ANKRD36C: variants seen among roughly 807,000 people sequenced by gnomAD.
ANKRD36C encodes ankyrin repeat domain 36C.
Under a neutral mutation model 276.4 loss-of-function variants are expected in ANKRD36C, and 61 were observed. The ratio of observed to expected loss-of-function variants is 0.22; its 90% CI spans 0.18 to 0.27. The LOEUF (loss-of-function observed/expected upper bound fraction) is 0.27, where lower values mean the gene tolerates loss of function less well. ANKRD36C is among the 10% of genes least tolerant of loss of function. The pLI, the probability that ANKRD36C is intolerant of heterozygous loss-of-function variation, is 1.00. For synonymous variants in ANKRD36C, 483 were observed against 680.1 expected (o/e 0.71, Z 4.51); for missense variants, 1,447 against 2,032.3 (o/e 0.71, Z 5.54).
chr2:95,977,019 T>C (rs1224399894), intron 6 of ANKRD36C, among the ~76,000 whole-genome samples: 1 of 151,864 alleles, frequency 6.6e-6, no homozygotes, highest in Non-Finnish European at 1.5e-5. Context: ...ATCTGCATCA[T>C]GGACAGCTCA....
intron 6 of ANKRD36C, among the ~76,000 whole-genome samples, chr2:95,965,935 G>A (rs1307076816): frequency 6.6e-6 from 1 of 151,974 alleles, no homozygotes; most frequent in Non-Finnish European, 1.5e-5. Context: ...ATGTGCATTT[G>A]GGTGATTTCT....
At chr2:95,979,719 T>C (rs1678878740) in intron 5 of ANKRD36C, among the ~76,000 whole-genome samples, 1 of 151,940 alleles carries the variant, frequency 6.6e-6, no homozygotes, top group African/African-American at 2.4e-5. Context: ...TCTACAACAT[T>C]ATTTGAATAT....
chr2:95,948,551 A>C (rs780100900), exon 17 of ANKRD36C: 1 of 1,535,940 alleles, frequency 6.5e-7, no homozygotes, highest in Non-Finnish European at 8.7e-7. Context: ...AAGCAAACTT[A>C]TCCTTTGTCA....
chr2:95,938,235 G>C, intron 22 of ANKRD36C, among the ~76,000 whole-genome samples: 1 of 152,282 alleles, frequency 6.6e-6, no homozygotes, highest in Non-Finnish European at 1.5e-5. Flanking sequence ...ACAATAAATA[G>C]TAGTAGAAGA....
At chr2:95,978,305 A>C (rs1244256939) in intron 5 of ANKRD36C, 116 bp from the exon 6 acceptor site, 8 of 365,148 alleles carry the variant, frequency 2.2e-5, no homozygotes, top group Middle Eastern at 8.5e-4. Flanking sequence ...TATCCTATAC[A>C]CTTCTCTTCT....
At chr2:95,908,079 G>C (rs1676795655) in intron 42 of ANKRD36C, among the ~76,000 whole-genome samples, 1 of 150,520 alleles carries the variant, frequency 6.6e-6, no homozygotes. Flanking sequence ...CTACACCAGG[G>C]GTCTCCTTAG....
chr2:95,878,678 C>T (rs1443863911), intron 58 of ANKRD36C, among the ~76,000 whole-genome samples: 1 of 152,180 alleles, frequency 6.6e-6, no homozygotes, highest in Non-Finnish European at 1.5e-5. Flanking sequence ...TTTCAAACTG[C>T]TATCAGATGG....
rs199868381 is a variant in ANKRD36C at position 95,906,446 on chromosome 2, C to A, written c.2653+5798G>T. ...ATTGCAATGTGGGGATGTGTATAAT[C>A]TTACAGTGAAGATCATGTTCCAGAC... On this transcript the variant is annotated intron_variant, in intron 42 of 66. Transcript: ENST00000456556. Among the ~76,000 whole-genome samples, 700 of 116,724 alleles carry A rather than the reference C, an allele frequency of 6.0e-3. 281 individuals carry two copies. The East Asian group carries it at 0.28, about 47-fold the overall frequency. The allele number at this position is 116,724 out of a possible 152,430, so 76.6% of individuals were successfully genotyped here.
intron 57 of ANKRD36C, 22 bp from the exon 78 acceptor site, chr2:95,880,521 G>C (rs1676053216): frequency 6.5e-7 from 1 of 1,542,632 alleles, no homozygotes; most frequent in Non-Finnish European, 8.8e-7. Context: ...TTAAAACAAA[G>C]TGATTAGCAC....
At chr2:95,857,068 C>G (rs1415047494) in intron 62 of ANKRD36C, among the ~76,000 whole-genome samples, 4 of 151,938 alleles carry the variant, frequency 2.6e-5, no homozygotes, top group Non-Finnish European at 5.9e-5. Context: ...GAACAAAATA[C>G]TAACAATATC....
intron 38 of ANKRD36C, among the ~76,000 whole-genome samples, chr2:95,914,783 T>C (rs886290063): frequency 6.6e-6 from 1 of 151,552 alleles, no homozygotes; most frequent in African/African-American, 2.4e-5. Context: ...GATACTTCAG[T>C]TGAACTTACA....
At chr2:95,948,576 C>A in exon 17 of ANKRD36C, 1 of 1,535,434 alleles carries the variant, frequency 6.5e-7, no homozygotes, top group Non-Finnish European at 8.7e-7. Flanking sequence ...CTGTGCAAAA[C>A]GGTCCAGTAG....
chr2:95,917,843 T>C lies in ANKRD36C; in HGVS notation c.2347+12A>G. ...GATTGAACGTGACATTAAATGTCTT[T>C]TGCAAAATTACCTGTCCCAGATTTT... is the stretch of plus-strand genomic sequence containing the variant. On this transcript the variant is annotated intron_variant, in intron 36 of 66. Transcript: ENST00000456556. 2.5e-6 allele frequency: 4 copies of C among 1,590,858 alleles called. No homozygotes were observed. Among genetic ancestry groups the C allele is most frequent in the Non-Finnish European group, 3.4e-6 (4 of 1,167,770 alleles).
chr2:95,854,386 C>T (rs1471219288), intron 63 of ANKRD36C, among the ~76,000 whole-genome samples: 1 of 151,692 alleles, frequency 6.6e-6, no homozygotes, highest in Non-Finnish European at 1.5e-5. Flanking sequence ...ATCTCTCCTC[C>T]GTACTCACTC....
intron 6 of ANKRD36C, among the ~76,000 whole-genome samples, chr2:95,962,801 C>G (rs1339165399): frequency 6.6e-6 from 1 of 151,968 alleles, no homozygotes; most frequent in Non-Finnish European, 1.5e-5. Context: ...TAAAATGAAA[C>G]AGTGTCAGTA....
At chr2:95,948,703 A>G (rs928557656) in intron 16 of ANKRD36C, 107 bp from the exon 17 acceptor site, 460 of 994,044 alleles carry the variant, frequency 4.6e-4, no homozygotes, top group Non-Finnish European at 6.2e-4. Flanking sequence ...ATGGTAAAAC[A>G]AAGTCTGAGG....
chr2:95,949,940 G>C (rs1678154469), intron 16 of ANKRD36C, among the ~76,000 whole-genome samples: 1 of 152,300 alleles, frequency 6.6e-6, no homozygotes, highest in African/African-American at 2.4e-5. Flanking sequence ...AGAAGAGAAA[G>C]TAAAAAGAAA....
chr2:95,967,645 C>T (rs1678618867), intron 6 of ANKRD36C, among the ~76,000 whole-genome samples: 1 of 151,982 alleles, frequency 6.6e-6, no homozygotes, highest in Non-Finnish European at 1.5e-5. Flanking sequence ...TGGGCATATA[C>T]TCGGTGTGTG....
intron 13 of ANKRD36C, among the ~76,000 whole-genome samples, chr2:95,954,357 T>G (rs1343974511): frequency 2.6e-5 from 4 of 152,142 alleles, no homozygotes; most frequent in African/African-American, 9.7e-5. Context: ...GAAAATCCAG[T>G]TGATATCTGA....
Sources: allele counts gnomAD v4.1 joint callset (sites outside exome capture counted in the v4.1 genomes callset), GRCh38; gene constraint gnomAD v4.1.1; transcripts MANE v1.5; gene names NCBI Gene and HGNC (gene_info 2026-07-23, HGNC 2026-07-21).